CLASP1: variants seen among roughly 807,000 people sequenced by gnomAD.
CLASP1 encodes the protein CLIP-associating protein 1.
Under a neutral mutation model 192.3 loss-of-function variants are expected in CLASP1, and 38 were observed. The observed-to-expected ratio is 0.20, with a 90% CI of 0.15 to 0.26. The LOEUF (loss-of-function observed/expected upper bound fraction) is 0.26. CLASP1 is among the 10% of genes least tolerant of loss of function. CLASP1 has a pLI of 1.00. For synonymous variants in CLASP1, 691 were observed against 712.8 expected (o/e 0.97, Z 0.49); for missense variants, 1,433 against 1,932.5 (o/e 0.74, Z 4.85).
At chr2:121,574,128 G>C (rs2060237116) in intron 2 of CLASP1, among the ~76,000 whole-genome samples, 1 of 152,152 alleles carries the variant, frequency 6.6e-6, no homozygotes, top group Admixed American at 6.5e-5. Flanking sequence ...AGGAGATCGA[G>C]ACTATCCTGG....
chr2:121,478,761 A>ACCACACCCC (rs2092078389), intron 8 of CLASP1, among the ~76,000 whole-genome samples: 2 of 31,314 alleles, frequency 6.4e-5, no homozygotes, highest in Admixed American at 3.6e-4. Flanking sequence ...CCACACACAC[A>ACCACACCCC]CCACACACCC....
intron 28 of CLASP1, among the ~76,000 whole-genome samples, chr2:121,399,664 C>T (rs1369914858): frequency 2.0e-5 from 3 of 152,174 alleles, no homozygotes; most frequent in African/African-American, 7.2e-5. Flanking sequence ...ATTAAAAACG[C>T]TTTAGGCACT....
intron 28 of CLASP1, 110 bp from the exon 30 acceptor site, chr2:121,398,510 T>C: frequency 1.4e-6 from 1 of 713,476 alleles, no homozygotes; most frequent in Non-Finnish European, 2.3e-6. Flanking sequence ...AAAACCCTGT[T>C]CACATTTTTA....
intron 2 of CLASP1, among the ~76,000 whole-genome samples, chr2:121,548,251 A>G (rs2057669296): frequency 6.6e-6 from 1 of 152,234 alleles, no homozygotes; most frequent in African/African-American, 2.4e-5. Flanking sequence ...GAATAACACA[A>G]TACAAGAATT....
At chr2:121,589,368 G>A (rs555103959) in intron 2 of CLASP1, among the ~76,000 whole-genome samples, 6 of 152,244 alleles carry the variant, frequency 3.9e-5, no homozygotes, top group East Asian at 3.9e-4. Flanking sequence ...GGTGGCTCAC[G>A]CCTGTTATCC....
At chr2:121,472,768 G>C (rs2090983855) in intron 8 of CLASP1, among the ~76,000 whole-genome samples, 1 of 152,180 alleles carries the variant, frequency 6.6e-6, no homozygotes, top group Non-Finnish European at 1.5e-5. Context: ...GTTTACACAA[G>C]TAGGGAAGCT....
intron 37 of CLASP1, among the ~76,000 whole-genome samples, chr2:121,360,367 G>T (rs1486582570): frequency 6.6e-6 from 1 of 152,182 alleles, no homozygotes; most frequent in African/African-American, 2.4e-5. Flanking sequence ...AATAAAGTAA[G>T]TCTAGAAACA....
At position 121,355,281 on chromosome 2, in the gene CLASP1, C is replaced by A. The variant is rs546341343; in HGVS notation, c.4207-6563G>T. Among the ~76,000 whole-genome samples the A allele has an allele frequency of 1.3e-3, 194 of 152,272 alleles. 1 individual carries two copies. Among genetic ancestry groups the A allele is most frequent in the Admixed American group, 1.7e-3 (26 of 15,292 alleles). ...AGCTGGGACTACAGGCGCACACCAC[C>A]ACGCCTAGCTAATTTTTTTGTATTT... On this transcript the variant is annotated intron_variant, in intron 37 of 39. Coordinates refer to ENST00000263710, the Ensembl canonical transcript of CLASP1.
chr2:121,640,294 G>A lies in CLASP1; in HGVS notation c.-286+9078C>T, dbSNP rs1056355019. On this transcript the variant is annotated intron_variant, in intron 1 of 39. Transcript: ENST00000263710. ...AAATGACAGGCTGATGGGTGCAGCG[G>A]GCCAGCATTGCACATGTATAACTAT... Among the ~76,000 whole-genome samples the A allele has an allele frequency of 8.5e-5, 13 of 152,204 alleles. 1 individual carries two copies. Among genetic ancestry groups the A allele is most frequent in the Admixed American group, 7.2e-4 (11 of 15,280 alleles).
At chr2:121,482,074 A>G (rs1459884116) in intron 8 of CLASP1, among the ~76,000 whole-genome samples, 1 of 152,218 alleles carries the variant, frequency 6.6e-6, no homozygotes, top group Non-Finnish European at 1.5e-5. Context: ...GGGTCCATTT[A>G]ACATTAACTG....
chr2:121,433,031 A>T (rs1167614367), intron 19 of CLASP1, among the ~76,000 whole-genome samples: 1 of 152,162 alleles, frequency 6.6e-6, no homozygotes, highest in Non-Finnish European at 1.5e-5. Context: ...CAACAGGTTA[A>T]GAAAATTTGG....
chr2:121,461,795 C>T (rs971743817), intron 10 of CLASP1, among the ~76,000 whole-genome samples: 1 of 152,126 alleles, frequency 6.6e-6, no homozygotes. Context: ...AGCCTCACAC[C>T]TCAATCTCCC....
At chr2:121,472,076 G>A (rs1361852508) in intron 8 of CLASP1, among the ~76,000 whole-genome samples, 2 of 152,140 alleles carry the variant, frequency 1.3e-5, no homozygotes, top group Non-Finnish European at 2.9e-5. Context: ...TAATCATTCT[G>A]CTGAGTGGGA....
At chr2:121,365,842 T>A (rs1315605314) in intron 35 of CLASP1, among the ~76,000 whole-genome samples, 3 of 152,196 alleles carry the variant, frequency 2.0e-5, no homozygotes, top group Admixed American at 1.3e-4. Flanking sequence ...TGGTGGACTA[T>A]CTATGTGGAG....
At chr2:121,611,311 G>A (rs2065430980) in intron 1 of CLASP1, among the ~76,000 whole-genome samples, 1 of 135,424 alleles carries the variant, frequency 7.4e-6, no homozygotes, top group African/African-American at 2.9e-5. Context: ...ACAGGAGAAA[G>A]AGGAACTGGA....
intron 1 of CLASP1, among the ~76,000 whole-genome samples, chr2:121,628,926 G>A (rs1476582427): frequency 6.8e-6 from 1 of 148,048 alleles, no homozygotes; most frequent in Non-Finnish European, 1.5e-5. Flanking sequence ...AACATATCAA[G>A]TTGTTCACTG....
chr2:121,526,863 C>T (rs1476495577), intron 5 of CLASP1, among the ~76,000 whole-genome samples: 1 of 151,968 alleles, frequency 6.6e-6, no homozygotes, highest in East Asian at 1.9e-4. Flanking sequence ...AAAGCCTCTC[C>T]TACAAATAAG....
chr2:121,530,809 T>C (rs1180718928), intron 2 of CLASP1: 4 of 625,818 alleles, frequency 6.4e-6, no homozygotes, highest in Non-Finnish European at 5.9e-6. Context: ...AGGGCGAGGC[T>C]CACGAATTAA....
chr2:121,344,458 A>G (rs1170097311), intron 39 of CLASP1, among the ~76,000 whole-genome samples: 1 of 151,790 alleles, frequency 6.6e-6, no homozygotes, highest in Non-Finnish European at 1.5e-5. Flanking sequence ...CGGCCTCCTG[A>G]GTAGCTGGGA....
Sources: gnomAD v4.1 joint callset for allele counts (sites outside exome capture counted in the v4.1 genomes callset) on GRCh38, gnomAD v4.1.1 for gene constraint, MANE v1.5 for transcripts, NCBI Gene and HGNC (gene_info 2026-07-23, HGNC 2026-07-21) for gene names.